Variants in KCNU1 observed in about 807,000 individuals in gnomAD.
KCNU1 encodes the protein potassium calcium-activated channel subfamily U member 1.
A neutral mutation model predicts 126.8 loss-of-function variants in KCNU1; 93 were observed. The ratio of observed to expected loss-of-function variants is 0.73; its 90% CI spans 0.62 to 0.87. The LOEUF is 0.87. KCNU1 is among the 40% of genes least tolerant of loss of function. KCNU1 has a pLI of 0.00. For missense variants in KCNU1, 1,330 were observed against 1,367.1 expected, an observed-to-expected ratio of 0.97 and a Z score of 0.43; for synonymous variants, 523 against 494.2, an observed-to-expected ratio of 1.06 and a Z score of -0.77.
At chr8:36,840,716 A>C (rs1804917745) in intron 15 of KCNU1, 141 bp downstream of exon 15, 1 of 687,420 alleles carries the variant, frequency 1.5e-6, no homozygotes, top group Non-Finnish European at 2.5e-6. Flanking sequence ...GAAACTTAGA[A>C]GTTTACAGTT....
chr8:36,789,841 A>G (rs1349278290), intron 2 of KCNU1, among the ~76,000 whole-genome samples: 1 of 152,234 alleles, frequency 6.6e-6, no homozygotes, highest in Non-Finnish European at 1.5e-5. Flanking sequence ...AGAATTGCGG[A>G]GGCAAAGAGC....
chr8:36,792,224 G>A (rs529331872), intron 2 of KCNU1, among the ~76,000 whole-genome samples: 2 of 152,166 alleles, frequency 1.3e-5, no homozygotes, highest in Non-Finnish European at 2.9e-5. Flanking sequence ...AGCTCTGCAA[G>A]TTCTCAGCAA....
At chr8:36,825,407 G>A (rs1804281756) in intron 10 of KCNU1, among the ~76,000 whole-genome samples, 1 of 152,100 alleles carries the variant, frequency 6.6e-6, no homozygotes, top group Non-Finnish European at 1.5e-5. Context: ...CTTATTTCAT[G>A]TTATAAAATC....
chr8:36,833,185 T>TTGTTTTC (rs1287624655), intron 10 of KCNU1, among the ~76,000 whole-genome samples: 1 of 152,146 alleles, frequency 6.6e-6, no homozygotes, highest in Non-Finnish European at 1.5e-5. Flanking sequence ...TCTGTGATGA[T>TTGTTTTC]TGTTTTCTGC....
chr8:36,930,142 A>T (rs977568568), intron 24 of KCNU1, among the ~76,000 whole-genome samples: 2 of 152,080 alleles, frequency 1.3e-5, no homozygotes, highest in African/African-American at 4.8e-5. Context: ...AAGGATGAAA[A>T]ATTAAAAATA....
chr8:36,789,313 G>T (rs1802820192), intron 2 of KCNU1, among the ~76,000 whole-genome samples: 1 of 151,990 alleles, frequency 6.6e-6, no homozygotes, highest in African/African-American at 2.4e-5. Context: ...GCAGTGAGTT[G>T]TGATCATGCC....
At chr8:36,876,848 G>A (rs75829697) in intron 19 of KCNU1, among the ~76,000 whole-genome samples, 2,429 of 152,178 alleles carry the variant, frequency 0.016, 70 homozygotes, top group African/African-American at 0.054. Flanking sequence ...AATAATATAC[G>A]CCCTGGCTGG....
chr8:36,922,978 A>G (rs1297032274), intron 24 of KCNU1: 2 of 473,594 alleles, frequency 4.2e-6, no homozygotes, highest in Non-Finnish European at 8.4e-6. Context: ...AAATCCTCCA[A>G]ACAGCTCATG....
intron 2 of KCNU1, among the ~76,000 whole-genome samples, chr8:36,789,084 C>T (rs1289862008): frequency 6.6e-6 from 1 of 152,152 alleles, no homozygotes; most frequent in African/African-American, 2.4e-5. Flanking sequence ...AGGCCGGGTG[C>T]AGTGGCTCAT....
chr8:36,926,263 TC>T (rs1808528883), intron 24 of KCNU1, among the ~76,000 whole-genome samples: 1 of 152,090 alleles, frequency 6.6e-6, no homozygotes, highest in Non-Finnish European at 1.5e-5. Flanking sequence ...GATCCTAGAG[TC>T]ATTCCTCGCT....
At chr8:36,917,520 T>TA (rs940616246) in intron 22 of KCNU1, among the ~76,000 whole-genome samples, 2 of 150,986 alleles carry the variant, frequency 1.3e-5, no homozygotes, top group African/African-American at 4.9e-5. Context: ...CCAGCTAATT[T>TA]TTTTTTTTTA....
At chr8:36,809,782 CT>C (rs901777803) in intron 7 of KCNU1, among the ~76,000 whole-genome samples, 49 of 152,144 alleles carry the variant, frequency 3.2e-4, no homozygotes, top group Non-Finnish European at 4.7e-4. Flanking sequence ...GTCATTAGGA[CT>C]TTTTTTTCTT....
intron 10 of KCNU1, among the ~76,000 whole-genome samples, chr8:36,827,304 C>G (rs2130517535): frequency 6.6e-6 from 1 of 152,180 alleles, no homozygotes; most frequent in East Asian, 1.9e-4. Flanking sequence ...TACCCTTCTT[C>G]TTTGCTTCTA....
intron 19 of KCNU1, among the ~76,000 whole-genome samples, chr8:36,894,927 C>G (rs1807125219): frequency 6.6e-6 from 1 of 152,058 alleles, no homozygotes; most frequent in South Asian, 2.1e-4. Flanking sequence ...ATTAATTTAT[C>G]ATGAGTTATT....
At chr8:36,831,816 A>G (rs1214292698) in intron 10 of KCNU1, among the ~76,000 whole-genome samples, 45 of 150,660 alleles carry the variant, frequency 3.0e-4, no homozygotes, top group Non-Finnish European at 5.3e-4. Flanking sequence ...TTGGTGTTTT[A>G]GACATGAAGT....
At chr8:36,787,194 G>A in intron 1 of KCNU1, 112 bp from the exon 2 acceptor site, 2 of 908,128 alleles carry the variant, frequency 2.2e-6, no homozygotes, top group Non-Finnish European at 3.1e-6. Context: ...TTTGGACAAG[G>A]TGGAGTGATT....
At chr8:36,868,607 T>A in intron 19 of KCNU1, among the ~76,000 whole-genome samples, 1 of 152,046 alleles carries the variant, frequency 6.6e-6, no homozygotes. Context: ...CAGCCCTAAC[T>A]TATACAAAAG....
At position 36,840,652 on chromosome 8, in the gene KCNU1, A is replaced by G. The variant is rs191671551; in HGVS notation, c.1631+77A>G. On this transcript the variant is annotated intron_variant, in intron 15 of 26. Coordinates refer to ENST00000399881, the MANE Select transcript of KCNU1 (RefSeq NM_001031836.3). ...ACAACGTTCACTGAGGGCCCACTAT[A>G]GGCCAGGCTTCATTACAAACTGAAG... 5.9e-6 allele frequency: 5 copies of G among 843,360 alleles called. No homozygotes were observed. The East Asian group carries it at 1.3e-4, about 22-fold the overall frequency. The allele number at this position is 843,360 out of a possible 1,614,324, so 52.2% of individuals were successfully genotyped here.
At chr8:36,866,066 A>G (rs529291135) in intron 19 of KCNU1, among the ~76,000 whole-genome samples, 1 of 152,070 alleles carries the variant, frequency 6.6e-6, no homozygotes, top group African/African-American at 2.4e-5. Context: ...GTACCAAGGA[A>G]TCACTTTGCT....
Sources: allele counts gnomAD v4.1 joint callset (sites outside exome capture counted in the v4.1 genomes callset), GRCh38; gene constraint gnomAD v4.1.1; transcripts MANE v1.5; gene names NCBI Gene and HGNC (gene_info 2026-07-23, HGNC 2026-07-21).